Variants in PITPNC1 observed in about 807,000 individuals in gnomAD.
PITPNC1 encodes cytoplasmic phosphatidylinositol transfer protein 1.
PITPNC1 carries 18 observed loss-of-function variants against 44.7 expected under a neutral mutation model. That is an observed-to-expected ratio of 0.40 (90% CI 0.28 to 0.60). The LOEUF (loss-of-function observed/expected upper bound fraction) is 0.60. PITPNC1 is among the 20% of genes least tolerant of loss of function. PITPNC1 has a pLI of 0.39. For synonymous variants in PITPNC1, 141 were observed against 149.6 expected, an observed-to-expected ratio of 0.94 and a Z score of 0.42; for missense variants, 290 against 418.4, an observed-to-expected ratio of 0.69 and a Z score of 2.68.
chr17:67,402,663 A>ATTGT (rs757856626), intron 1 of PITPNC1, among the ~76,000 whole-genome samples: 5 of 151,878 alleles, frequency 3.3e-5, no homozygotes, highest in Non-Finnish European at 5.9e-5. Context: ...ACATGTTTTT[A>ATTGT]TTGTTTGTTT....
intron 1 of PITPNC1, among the ~76,000 whole-genome samples, chr17:67,380,834 C>T (rs2037947210): frequency 6.6e-6 from 1 of 151,770 alleles, no homozygotes; most frequent in Non-Finnish European, 1.5e-5. Context: ...AGTGCAGTGG[C>T]GTGATCCTAG....
At chr17:67,390,798 A>C (rs558803446) in intron 1 of PITPNC1, among the ~76,000 whole-genome samples, 134 of 152,212 alleles carry the variant, frequency 8.8e-4, no homozygotes, top group Middle Eastern at 3.4e-3. Flanking sequence ...TGGAGGAGGG[A>C]GTCTGGGGTC....
chr17:67,573,964 A>G (rs1041060257), intron 4 of PITPNC1, among the ~76,000 whole-genome samples: 17 of 152,186 alleles, frequency 1.1e-4, no homozygotes, highest in African/African-American at 3.9e-4. Context: ...GTGCTTATTT[A>G]TTTTTTAAGA....
intron 1 of PITPNC1, among the ~76,000 whole-genome samples, chr17:67,423,131 G>A (rs1342416912): frequency 6.6e-6 from 1 of 152,162 alleles, no homozygotes; most frequent in Non-Finnish European, 1.5e-5. Flanking sequence ...TGGGGAGTGT[G>A]AGTCAGCACG....
intron 5 of PITPNC1, among the ~76,000 whole-genome samples, chr17:67,582,190 T>C (rs2041244350): frequency 6.6e-6 from 1 of 152,240 alleles, no homozygotes; most frequent in South Asian, 2.1e-4. Flanking sequence ...AACTGGTGTT[T>C]TAAGCCAAGG....
chr17:67,473,332 C>A (rs375354812), intron 1 of PITPNC1, among the ~76,000 whole-genome samples: 1 of 151,348 alleles, frequency 6.6e-6, no homozygotes, highest in Admixed American at 6.6e-5. Context: ...CTTTACCTGG[C>A]CTGCTTGTTT....
chr17:67,390,320 A>C (rs537516922), intron 1 of PITPNC1, among the ~76,000 whole-genome samples: 1 of 152,292 alleles, frequency 6.6e-6, no homozygotes, highest in African/African-American at 2.4e-5. Context: ...ACAGGGCTGC[A>C]GGGGTCTGTG....
At chr17:67,385,554 T>C (rs2038032257) in intron 1 of PITPNC1, among the ~76,000 whole-genome samples, 2 of 145,668 alleles carry the variant, frequency 1.4e-5, no homozygotes, top group Admixed American at 1.4e-4. Flanking sequence ...TCTTTTGCTG[T>C]TCACACTAAA....
chr17:67,641,249 A>G (rs1364830495), intron 6 of PITPNC1, among the ~76,000 whole-genome samples: 1 of 152,218 alleles, frequency 6.6e-6, no homozygotes, highest in East Asian at 1.9e-4. Context: ...AAATTAATAC[A>G]TGATCCTTGT....
intron 1 of PITPNC1, among the ~76,000 whole-genome samples, chr17:67,526,752 A>C (rs1349640771): frequency 6.6e-6 from 1 of 152,014 alleles, no homozygotes; most frequent in African/African-American, 2.4e-5. Context: ...AAAAAAGTTA[A>C]ATGACTGGAT....
chr17:67,561,424 C>T (rs2040905315), intron 4 of PITPNC1, among the ~76,000 whole-genome samples: 1 of 151,834 alleles, frequency 6.6e-6, no homozygotes, highest in Non-Finnish European at 1.5e-5. Flanking sequence ...CCATTGCACT[C>T]CAGCCTGGGT....
rs368376038 is a variant in PITPNC1 at position 67,591,895 on chromosome 17, A to G, written c.366+13638A>G. On this transcript the variant is annotated intron_variant, in intron 5 of 8. Coordinates refer to ENST00000581322, the MANE Select transcript of PITPNC1 (RefSeq NM_012417.4). ...CAGCTAATTTTTTTTTTTTTTTTGT[A>G]GAGATGGGCATCTCGCTGTGTTGCC... 4.4e-4 allele frequency among the ~76,000 whole-genome samples: 63 copies of G among 141,650 alleles called. 2 individuals carry two copies. The East Asian group carries it at 0.011, about 25-fold the overall frequency. 92.9% of individuals were successfully genotyped at this position (141,650 alleles called of 152,430 possible).
At chr17:67,468,994 G>T (rs890845694) in intron 1 of PITPNC1, among the ~76,000 whole-genome samples, 2 of 152,172 alleles carry the variant, frequency 1.3e-5, no homozygotes, top group Admixed American at 6.5e-5. Flanking sequence ...CTCCCAAAGT[G>T]TTGCAATTAC....
At chr17:67,469,897 A>AAT (rs746369961) in intron 1 of PITPNC1, among the ~76,000 whole-genome samples, 2 of 152,002 alleles carry the variant, frequency 1.3e-5, no homozygotes, top group African/African-American at 2.4e-5. Context: ...TGTGATATAT[A>AAT]ATATATATAT....
intron 5 of PITPNC1, among the ~76,000 whole-genome samples, chr17:67,585,120 A>G (rs867194590): frequency 0.045 from 5,873 of 130,960 alleles, 157 homozygotes; most frequent in African/African-American, 0.075. Context: ...CCATCTCAGA[A>G]AAAAAAAAAA....
At chr17:67,452,877 C>G (rs1234133007) in intron 1 of PITPNC1, among the ~76,000 whole-genome samples, 2 of 152,216 alleles carry the variant, frequency 1.3e-5, no homozygotes, top group Non-Finnish European at 2.9e-5. Context: ...CTCTCACTAG[C>G]AACATATGAG....
chr17:67,392,602 CTT>C (rs2038154452), intron 1 of PITPNC1, among the ~76,000 whole-genome samples: 1 of 152,084 alleles, frequency 6.6e-6, no homozygotes, highest in Non-Finnish European at 1.5e-5. Context: ...CTCTAAAAGA[CTT>C]TTCAAAATTC....
intron 5 of PITPNC1, among the ~76,000 whole-genome samples, chr17:67,590,733 T>TG (rs2041378424): frequency 6.6e-6 from 1 of 151,946 alleles, no homozygotes; most frequent in Admixed American, 6.6e-5. Context: ...CAGGCCGAGG[T>TG]GGGTGGATCA....
At chr17:67,646,682 G>T (rs555891404) in intron 6 of PITPNC1, among the ~76,000 whole-genome samples, 13 of 151,082 alleles carry the variant, frequency 8.6e-5, no homozygotes, top group Non-Finnish European at 1.8e-4. Context: ...CCAGCTATTT[G>T]TGTGTGTGGG....
Sources: gnomAD v4.1 joint callset for allele counts (sites outside exome capture counted in the v4.1 genomes callset) on GRCh38, gnomAD v4.1.1 for gene constraint, MANE v1.5 for transcripts, NCBI Gene and HGNC (gene_info 2026-07-23, HGNC 2026-07-21) for gene names.